NKAIN2: variants seen among roughly 807,000 people sequenced by gnomAD.
The protein encoded by NKAIN2 is sodium/potassium-transporting ATPase subunit beta-1-interacting protein 2.
NKAIN2 carries 14 observed loss-of-function variants against 32.6 expected under a neutral mutation model. The observed-to-expected ratio is 0.43, with a 90% CI of 0.28 to 0.67. NKAIN2 has a LOEUF of 0.67. NKAIN2 is among the 30% of genes least tolerant of loss of function. NKAIN2 has a pLI of 0.17. For synonymous variants in NKAIN2, 80 were observed against 87.2 expected (o/e 0.92, Z 0.46); for missense variants, 198 against 258.3 (o/e 0.77, Z 1.60).
intron 1 of NKAIN2, among the ~76,000 whole-genome samples, chr6:124,166,226 G>C (rs1457445379): frequency 2.1e-5 from 3 of 145,784 alleles, no homozygotes. Context: ...GTGTGAGATG[G>C]TATCTCATTG....
intron 3 of NKAIN2, among the ~76,000 whole-genome samples, chr6:124,531,558 G>A (rs758934161): frequency 1.3e-5 from 2 of 152,176 alleles, no homozygotes; most frequent in Admixed American, 6.5e-5. Context: ...TGCTGGCCTT[G>A]TAAAAATGAA....
intron 3 of NKAIN2, among the ~76,000 whole-genome samples, chr6:124,599,019 ATTTTTT>A (rs34952742): frequency 7.0e-6 from 1 of 141,930 alleles, no homozygotes; most frequent in Non-Finnish European, 1.5e-5. Flanking sequence ...ACACAAATCT[ATTTTTT>A]TTTTTTTTTG....
intron 1 of NKAIN2, among the ~76,000 whole-genome samples, chr6:124,164,755 G>T (rs995554033): frequency 9.2e-5 from 14 of 152,118 alleles, no homozygotes; most frequent in African/African-American, 3.1e-4. Context: ...AATATTCATG[G>T]AGTGCTGTGA....
intron 3 of NKAIN2, among the ~76,000 whole-genome samples, chr6:124,608,519 TG>T (rs1782577620): frequency 6.6e-6 from 1 of 152,130 alleles, no homozygotes; most frequent in Non-Finnish European, 1.5e-5. Flanking sequence ...GGGACACTGG[TG>T]AAGTGAAGGG....
chr6:123,963,220 C>T (rs1267993), intron 1 of NKAIN2, among the ~76,000 whole-genome samples: 55,410 of 152,006 alleles, frequency 0.36, 10,457 homozygotes, highest in African/African-American at 0.47. Flanking sequence ...TATGATTCAG[C>T]ATTGTTTTCT....
intron 1 of NKAIN2, among the ~76,000 whole-genome samples, chr6:123,967,687 G>A (rs1435745018): frequency 1.3e-5 from 2 of 152,026 alleles, no homozygotes; most frequent in East Asian, 3.9e-4. Flanking sequence ...TGAAAAAAAA[G>A]GGGGGGAGTG....
chr6:124,361,491 T>A (rs776346042), intron 3 of NKAIN2, among the ~76,000 whole-genome samples: 7 of 152,030 alleles, frequency 4.6e-5, no homozygotes, highest in Non-Finnish European at 1.0e-4. Flanking sequence ...CCAACTTGTC[T>A]TTATTTAACC....
intron 1 of NKAIN2, among the ~76,000 whole-genome samples, chr6:124,007,912 A>G (rs1339170216): frequency 6.6e-6 from 1 of 152,074 alleles, no homozygotes; most frequent in African/African-American, 2.4e-5. Context: ...TGGTTCCTTG[A>G]GTTTTGGGGT....
chr6:124,816,326 G>A lies in NKAIN2; in HGVS notation c.536-2061G>A, dbSNP rs1035837307. On this transcript the variant is annotated intron_variant, in intron 5 of 6. Coordinates refer to ENST00000368417, the MANE Select transcript of NKAIN2 (RefSeq NM_001040214.3). ...GAGCACAGGGGAATTTTAGGGCAGC[G>A]AAACTGTTACGGTACTCTAATGGTA... Among the ~76,000 whole-genome samples, 5 of 152,066 alleles carry A rather than the reference G, an allele frequency of 3.3e-5. 1 individual carries two copies. The highest frequency in any genetic ancestry group is 4.4e-5 in the Non-Finnish European group (3 of 68,020).
intron 3 of NKAIN2, among the ~76,000 whole-genome samples, chr6:124,445,786 A>AAC (rs1554209029): frequency 2.7e-5 from 2 of 75,332 alleles, no homozygotes; most frequent in African/African-American, 5.8e-5. Flanking sequence ...AACAAAACAA[A>AAC]AAAAAAAAAC....
At chr6:124,549,293 G>A (rs796862852) in intron 3 of NKAIN2, among the ~76,000 whole-genome samples, 12 of 152,108 alleles carry the variant, frequency 7.9e-5, no homozygotes, top group South Asian at 2.1e-4. Flanking sequence ...GCTTGAACCC[G>A]GGATGCGGAG....
At chr6:124,206,511 G>T (rs910470781) in intron 1 of NKAIN2, among the ~76,000 whole-genome samples, 2 of 151,702 alleles carry the variant, frequency 1.3e-5, no homozygotes, top group South Asian at 4.2e-4. Flanking sequence ...TGTGTTTTGG[G>T]CTTCCAATGA....
chr6:124,561,343 G>A (rs1159305736), intron 3 of NKAIN2, among the ~76,000 whole-genome samples: 1 of 152,090 alleles, frequency 6.6e-6, no homozygotes, highest in Non-Finnish European at 1.5e-5. Context: ...CATGACATTT[G>A]CAATCTCGTG....
intron 1 of NKAIN2, among the ~76,000 whole-genome samples, chr6:124,027,188 G>A (rs967979858): frequency 6.8e-6 from 1 of 146,340 alleles, no homozygotes; most frequent in Non-Finnish European, 1.5e-5. Context: ...TGCCCAGGCT[G>A]AAGTGCAATA....
intron 3 of NKAIN2, among the ~76,000 whole-genome samples, chr6:124,425,614 A>G (rs1343658499): frequency 6.6e-6 from 1 of 152,122 alleles, no homozygotes; most frequent in African/African-American, 2.4e-5. Context: ...AAAATAAATA[A>G]TAGCCTAATT....
chr6:124,478,673 CTGATA>C (rs1428074775), intron 3 of NKAIN2, among the ~76,000 whole-genome samples: 1 of 152,136 alleles, frequency 6.6e-6, no homozygotes, highest in East Asian at 1.9e-4. Context: ...TAAGTCTATT[CTGATA>C]TAAGTAAATG....
chr6:124,223,634 A>T (rs924436190), intron 1 of NKAIN2, among the ~76,000 whole-genome samples: 5 of 152,222 alleles, frequency 3.3e-5, no homozygotes, highest in Non-Finnish European at 7.3e-5. Flanking sequence ...CATTTTTGCC[A>T]GTTTGAAGAT....
chr6:124,312,331 C>T (rs893199588), intron 2 of NKAIN2, among the ~76,000 whole-genome samples: 3 of 152,116 alleles, frequency 2.0e-5, no homozygotes, highest in Admixed American at 6.5e-5. Flanking sequence ...CTGGAGATAG[C>T]GTCAGATCCC....
chr6:124,190,210 C>G (rs1286310822), intron 1 of NKAIN2, among the ~76,000 whole-genome samples: 2 of 152,174 alleles, frequency 1.3e-5, no homozygotes. Flanking sequence ...TCTTTCTAAG[C>G]CTTGGTTTCT....
Sources: gnomAD v4.1 joint callset for allele counts (sites outside exome capture counted in the v4.1 genomes callset) on GRCh38, gnomAD v4.1.1 for gene constraint, MANE v1.5 for transcripts, NCBI Gene and HGNC (gene_info 2026-07-23, HGNC 2026-07-21) for gene names.